The following MGMT variants were observed in gnomAD, a reference collection of about 807,000 sequenced individuals.
The protein encoded by MGMT is methylated-DNA--protein-cysteine methyltransferase.
Under a neutral mutation model 15.9 loss-of-function variants are expected in MGMT, and 14 were observed. The ratio of observed to expected loss-of-function variants is 0.88; its 90% CI spans 0.58 to 1.37. The LOEUF (loss-of-function observed/expected upper bound fraction) is 1.37, where lower values mean the gene tolerates loss of function less well. MGMT is among the 40% of genes most tolerant of loss of function. MGMT has a pLI of 0.00. For synonymous variants in MGMT, 130 were observed against 118.2 expected, an observed-to-expected ratio of 1.10 and a Z score of -0.65; for missense variants, 282 against 268.1, an observed-to-expected ratio of 1.05 and a Z score of -0.36.
At chr10:129,743,544 G>T (rs961765501) in intron 3 of MGMT, among the ~76,000 whole-genome samples, 4 of 152,148 alleles carry the variant, frequency 2.6e-5, no homozygotes, top group African/African-American at 9.7e-5. Flanking sequence ...CCTGCCCATT[G>T]TCCGCACACT....
At chr10:129,691,606 G>T (rs921871399) in intron 2 of MGMT, among the ~76,000 whole-genome samples, 1 of 152,142 alleles carries the variant, frequency 6.6e-6, no homozygotes, top group African/African-American at 2.4e-5. Flanking sequence ...CGGTGGCCGG[G>T]GGGAGCACAA....
At chr10:129,633,066 A>T (rs1007386574) in intron 2 of MGMT, among the ~76,000 whole-genome samples, 4 of 152,178 alleles carry the variant, frequency 2.6e-5, no homozygotes, top group Admixed American at 2.0e-4. Context: ...GGAAATGGGG[A>T]TGTTTTTGTA....
chr10:129,536,490 C>A, intron 2 of MGMT, 113 bp downstream of exon 2: 1 of 1,308,480 alleles, frequency 7.6e-7, no homozygotes, highest in South Asian at 1.6e-5. Flanking sequence ...GCCTTACCCC[C>A]ACAACCGCAA....
intron 2 of MGMT, among the ~76,000 whole-genome samples, chr10:129,596,674 A>C (rs1340090578): frequency 6.6e-6 from 1 of 152,236 alleles, no homozygotes. Context: ...ATAGGATTGC[A>C]CCTGCTTTTG....
At position 129,600,313 on chromosome 10, in the gene MGMT, C is replaced by T. The variant is rs115792306; in HGVS notation, c.125+63936C>T. ...AGTCCCTACAAACCCACCTGAATTT[C>T]CTTTGTCTCCGAGCCACATGGGAAG... is the stretch of plus-strand genomic sequence containing the variant. On this transcript the variant is annotated intron_variant, in intron 2 of 4. Transcript: ENST00000651593. 7.3e-3 allele frequency among the ~76,000 whole-genome samples: 1,105 copies of T among 152,306 alleles called. 16 individuals carry two copies. Among genetic ancestry groups the T allele is most frequent in the African/African-American group, 0.025 (1,031 of 41,560 alleles).
intron 2 of MGMT, among the ~76,000 whole-genome samples, chr10:129,585,384 T>G (rs1463360086): frequency 7.9e-5 from 12 of 152,152 alleles, no homozygotes; most frequent in Admixed American, 7.9e-4. Flanking sequence ...TAGTTCCCCC[T>G]TAGTCATGGG....
chr10:129,624,678 G>A (rs536984713), intron 2 of MGMT, among the ~76,000 whole-genome samples: 6 of 152,192 alleles, frequency 3.9e-5, no homozygotes, highest in Non-Finnish European at 7.3e-5. Flanking sequence ...GACATAACTC[G>A]TAGGATGGTC....
intron 2 of MGMT, among the ~76,000 whole-genome samples, chr10:129,577,452 A>G (rs1474473447): frequency 3.3e-5 from 5 of 152,276 alleles, no homozygotes; most frequent in African/African-American, 1.2e-4. Flanking sequence ...TCCTTATTTA[A>G]TAAATGGTGC....
At chr10:129,473,472 G>A (rs867347564) in intron 1 of MGMT, among the ~76,000 whole-genome samples, 2 of 152,186 alleles carry the variant, frequency 1.3e-5, no homozygotes, top group South Asian at 2.1e-4. Flanking sequence ...TGCATATGAG[G>A]AACCCGGGCC....
At chr10:129,660,133 C>T (rs1847579280) in intron 2 of MGMT, among the ~76,000 whole-genome samples, 1 of 152,168 alleles carries the variant, frequency 6.6e-6, no homozygotes. Context: ...GTCACTTTTA[C>T]CCCATTCTGA....
At chr10:129,525,120 T>C (rs1045153698) in intron 1 of MGMT, among the ~76,000 whole-genome samples, 3 of 152,104 alleles carry the variant, frequency 2.0e-5, no homozygotes, top group Non-Finnish European at 2.9e-5. Flanking sequence ...GATCTATTTC[T>C]TTCACACACA....
chr10:129,676,485 G>A (rs753229825), intron 2 of MGMT, among the ~76,000 whole-genome samples: 15 of 152,300 alleles, frequency 9.8e-5, no homozygotes, highest in South Asian at 2.1e-4. Flanking sequence ...GCGTCTCTGC[G>A]GCGTACTCTG....
intron 2 of MGMT, among the ~76,000 whole-genome samples, chr10:129,678,965 C>T (rs1291323272): frequency 1.3e-5 from 2 of 151,380 alleles, no homozygotes; most frequent in East Asian, 1.9e-4. Context: ...CCCAGCTACT[C>T]GGGAGGCTGA....
intron 2 of MGMT, among the ~76,000 whole-genome samples, chr10:129,688,643 G>A (rs993843609): frequency 1.3e-5 from 2 of 152,072 alleles, no homozygotes; most frequent in African/African-American, 4.8e-5. Flanking sequence ...TCTGTAGGTC[G>A]CCTGTTCCCT....
chr10:129,695,889 C>T (rs560795886), intron 2 of MGMT, among the ~76,000 whole-genome samples: 21 of 152,188 alleles, frequency 1.4e-4, no homozygotes, highest in South Asian at 2.1e-4. Flanking sequence ...TTTGCTCTTC[C>T]GGTGGATGGG....
chr10:129,579,373 C>T (rs187305920), intron 2 of MGMT, among the ~76,000 whole-genome samples: 1 of 152,306 alleles, frequency 6.6e-6, no homozygotes, highest in Admixed American at 6.5e-5. Flanking sequence ...TCCCGTGGGT[C>T]AGGAGCATGG....
At chr10:129,601,765 A>T (rs1846824279) in intron 2 of MGMT, among the ~76,000 whole-genome samples, 1 of 152,242 alleles carries the variant, frequency 6.6e-6, no homozygotes, top group Admixed American at 6.5e-5. Flanking sequence ...GTATCTTCCC[A>T]CATCACACTT....
intron 2 of MGMT, among the ~76,000 whole-genome samples, chr10:129,543,689 G>GA (rs373385170): frequency 1.2e-4 from 18 of 148,292 alleles, no homozygotes; most frequent in African/African-American, 2.7e-4. Context: ...ACTCATCTAA[G>GA]AAAAAAAAAA....
At chr10:129,520,032 T>C (rs1282846717) in intron 1 of MGMT, among the ~76,000 whole-genome samples, 1 of 151,988 alleles carries the variant, frequency 6.6e-6, no homozygotes, top group Non-Finnish European at 1.5e-5. Flanking sequence ...TAAAGAAAAT[T>C]CCAGAAAACG....
Sources: gnomAD v4.1 joint callset for allele counts (sites outside exome capture counted in the v4.1 genomes callset) on GRCh38, gnomAD v4.1.1 for gene constraint, MANE v1.5 for transcripts, NCBI Gene and HGNC (gene_info 2026-07-23, HGNC 2026-07-21) for gene names.